Variants in ROBO2 observed in about 807,000 individuals in gnomAD.
The protein encoded by ROBO2 is roundabout guidance receptor 2.
Under a neutral mutation model 160.8 loss-of-function variants are expected in ROBO2, and 53 were observed. The observed-to-expected ratio is 0.33, with a 90% confidence interval of 0.26 to 0.41. ROBO2 has a LOEUF of 0.41. Ranked by LOEUF, ROBO2 falls within the 10% of genes least tolerant of loss-of-function variation. ROBO2 has a pLI of 1.00. For synonymous variants in ROBO2, 664 were observed against 611.7 expected (o/e 1.09, Z -1.26); for missense variants, 1,577 against 1,722.4 (o/e 0.92, Z 1.49).
At chr3:77,576,807 G>T (rs2093778216) in intron 14 of ROBO2, among the ~76,000 whole-genome samples, 1 of 152,022 alleles carries the variant, frequency 6.6e-6, no homozygotes, top group Admixed American at 6.6e-5. Flanking sequence ...ATCTTAACTT[G>T]CGGGTCAATT....
At chr3:76,185,569 G>A (rs150135416) in intron 2 of ROBO2, among the ~76,000 whole-genome samples, 2 of 151,934 alleles carry the variant, frequency 1.3e-5, no homozygotes, top group African/African-American at 4.8e-5. Flanking sequence ...CATGACTGCT[G>A]CCCAAATAGA....
At chr3:76,448,931 A>G (rs2077333150) in intron 2 of ROBO2, among the ~76,000 whole-genome samples, 1 of 152,170 alleles carries the variant, frequency 6.6e-6, no homozygotes, top group Non-Finnish European at 1.5e-5. Context: ...GCTGGACCCT[A>G]GAAGAAACAG....
chr3:77,405,455 A>T (rs2076178612), intron 2 of ROBO2, among the ~76,000 whole-genome samples: 1 of 152,122 alleles, frequency 6.6e-6, no homozygotes, highest in Non-Finnish European at 1.5e-5. Context: ...TATTCTAATT[A>T]TGATTAAGTT....
intron 2 of ROBO2, among the ~76,000 whole-genome samples, chr3:77,105,786 T>A (rs1378966867): frequency 6.6e-6 from 1 of 152,116 alleles, no homozygotes; most frequent in Non-Finnish European, 1.5e-5. Flanking sequence ...AGCACATAAA[T>A]GAAGTGAAGT....
intron 2 of ROBO2, among the ~76,000 whole-genome samples, chr3:77,134,338 T>A (rs1238613647): frequency 6.6e-6 from 1 of 152,252 alleles, no homozygotes; most frequent in Non-Finnish European, 1.5e-5. Flanking sequence ...TGACTTTTTA[T>A]TTTTGTAGTA....
At chr3:76,087,968 T>C (rs542627743) in intron 2 of ROBO2, among the ~76,000 whole-genome samples, 1 of 152,186 alleles carries the variant, frequency 6.6e-6, no homozygotes, top group South Asian at 2.1e-4. Context: ...AATTATATGT[T>C]ATTTATAAAA....
At chr3:77,536,374 TTCTC>T (rs924198336) in intron 6 of ROBO2, among the ~76,000 whole-genome samples, 1 of 151,950 alleles carries the variant, frequency 6.6e-6, no homozygotes, top group South Asian at 2.1e-4. Flanking sequence ...TCAAATTTGT[TTCTC>T]TCTCTCTTTC....
At chr3:77,624,148 T>C (rs2094957010) in intron 23 of ROBO2, among the ~76,000 whole-genome samples, 1 of 152,212 alleles carries the variant, frequency 6.6e-6, no homozygotes, top group South Asian at 2.1e-4. Flanking sequence ...TATTCCATGA[T>C]GAGTTTATCC....
At chr3:76,356,774 T>C (rs2075196143) in intron 2 of ROBO2, among the ~76,000 whole-genome samples, 1 of 151,858 alleles carries the variant, frequency 6.6e-6, no homozygotes, top group Non-Finnish European at 1.5e-5. Flanking sequence ...TTATTGACTT[T>C]TATTTAATAC....
In ROBO2 at chr3:76,455,393, A is replaced by C. The variant is rs78086873; in HGVS notation, c.109+517791A>C. ...TTCTTTTTCATATGGTGTCAGTGTT[A>C]TCCATTCAATTAAATTTATAATTTT... is the stretch of plus-strand genomic sequence containing the variant. On this transcript the variant is annotated intron_variant, in intron 2 of 26. Coordinates refer to the ROBO2 transcript ENST00000487694. Among the ~76,000 whole-genome samples, 31 of 152,288 alleles carry C rather than the reference A, an allele frequency of 2.0e-4. No homozygotes were observed. In the East Asian group the frequency reaches 5.8e-3, roughly 28 times the overall value.
At chr3:77,512,878 T>A (rs1035706621) in intron 5 of ROBO2, among the ~76,000 whole-genome samples, 14 of 151,880 alleles carry the variant, frequency 9.2e-5, no homozygotes, top group Non-Finnish European at 1.5e-4. Context: ...AATTCATAGT[T>A]TTTACTATTG....
At chr3:76,280,944 A>G (rs1308901580) in intron 2 of ROBO2, among the ~76,000 whole-genome samples, 1 of 151,846 alleles carries the variant, frequency 6.6e-6, no homozygotes, top group Non-Finnish European at 1.5e-5. Context: ...TGGTGGGAAT[A>G]TGTACTGGAG....
chr3:77,452,724 A>G (rs1264137841), intron 2 of ROBO2, among the ~76,000 whole-genome samples: 1 of 152,138 alleles, frequency 6.6e-6, no homozygotes, highest in Non-Finnish European at 1.5e-5. Flanking sequence ...CATTAAATGG[A>G]TTCATTTCTT....
chr3:77,196,019 G>T (rs564182516), intron 2 of ROBO2, among the ~76,000 whole-genome samples: 20 of 152,260 alleles, frequency 1.3e-4, no homozygotes, highest in African/African-American at 4.8e-4. Flanking sequence ...CATTGATTCG[G>T]ACTAGGGGGC....
chr3:76,158,380 C>T (rs1389768658), intron 2 of ROBO2, among the ~76,000 whole-genome samples: 2 of 151,926 alleles, frequency 1.3e-5, no homozygotes, highest in East Asian at 3.9e-4. Flanking sequence ...AATCTCCAGA[C>T]CAGCAGTCTC....
At chr3:76,434,479 C>T in intron 2 of ROBO2, 1 of 1,551,022 alleles carries the variant, frequency 6.4e-7, no homozygotes, top group Non-Finnish European at 8.9e-7. Flanking sequence ...ATGATGCTGC[C>T]ATGTTTTATA....
chr3:76,121,868 C>G (rs947991477), intron 2 of ROBO2, among the ~76,000 whole-genome samples: 5 of 152,162 alleles, frequency 3.3e-5, no homozygotes, highest in African/African-American at 1.2e-4. Context: ...GTGCCTAAGT[C>G]TACAGCCAAA....
At chr3:77,448,116 C>T (rs187174446) in intron 2 of ROBO2, among the ~76,000 whole-genome samples, 3 of 152,144 alleles carry the variant, frequency 2.0e-5, no homozygotes, top group African/African-American at 7.2e-5. Context: ...TGCTTGAATC[C>T]GGGCTGGTCT....
At chr3:76,450,905 A>T (rs2077441881) in intron 2 of ROBO2, among the ~76,000 whole-genome samples, 1 of 152,168 alleles carries the variant, frequency 6.6e-6, no homozygotes, top group Non-Finnish European at 1.5e-5. Flanking sequence ...GATATGATTC[A>T]TAATAAGCCA....
Sources: allele counts gnomAD v4.1 joint callset (sites outside exome capture counted in the v4.1 genomes callset), GRCh38; gene constraint gnomAD v4.1.1; transcripts MANE v1.5; gene names NCBI Gene and HGNC (gene_info 2026-07-23, HGNC 2026-07-21).